Variants in NPHP4 observed in about 807,000 individuals in gnomAD.
NPHP4 encodes the protein nephrocystin 4.
A neutral mutation model predicts 155.8 loss-of-function variants in NPHP4; 151 were observed. The observed-to-expected ratio is 0.97, with a 90% CI of 0.85 to 1.11. NPHP4 has a LOEUF of 1.11. Among genes scored for constraint, NPHP4 ranks in the 50% least tolerant of loss-of-function variants. The pLI is 0.00. For synonymous variants in NPHP4, 845 were observed against 816.8 expected, an observed-to-expected ratio of 1.03 and a Z score of -0.59; for missense variants, 1,956 against 1,925.7, an observed-to-expected ratio of 1.02 and a Z score of -0.29.
At chr1:5,992,003 G>C (rs1236962981) in intron 1 of NPHP4, among the ~76,000 whole-genome samples, 1 of 125,294 alleles carries the variant, frequency 8.0e-6, no homozygotes, top group African/African-American at 3.6e-5. Context: ...ACGGCACCCA[G>C]CGGCCCCGAC....
rs1557592757 is a variant in NPHP4 at position 5,867,742 on chromosome 1, G to A, written c.3470C>T (p.Pro1157Leu). The stretch of plus-strand genomic sequence containing the variant: ...TGCAGGGTCAGTGCAGGACCTGCCT[G>A]GAAATGTGTGCCAGGGCGGCAGGCG... ...AIRLPPWHTF[P>L]GAPVGMLGED... Residue 1157 changes from proline to leucine, a missense_variant and splice_region_variant, in exon 24 of 30, where the codon CCA becomes CTA. Coordinates refer to ENST00000378156, the MANE Select transcript of NPHP4 (RefSeq NM_015102.5). This position sits in a 1 kb window ranked among gnomAD's most constrained non-coding sequence, Gnocchi z 4.1. The A allele has an allele frequency of 3.1e-6, 5 of 1,609,338 alleles. No homozygotes were observed. Among genetic ancestry groups the A allele is most frequent in the East Asian group, 4.5e-5 (2 of 44,884 alleles).
intron 10 of NPHP4, among the ~76,000 whole-genome samples, chr1:5,928,506 C>T (rs557891379): frequency 6.6e-6 from 1 of 152,288 alleles, no homozygotes; most frequent in East Asian, 1.9e-4. Flanking sequence ...ATAAACAGAC[C>T]TGCTACAAAC....
intron 22 of NPHP4, 43 bp from the exon 23 acceptor site, chr1:5,873,378 A>AT: frequency 2.0e-6 from 3 of 1,514,522 alleles, no homozygotes; most frequent in Non-Finnish European, 2.8e-6. Context: ...AAGCAACACC[A>AT]TTAGGCGACC....
Position 5,889,660 on chromosome 1 carries a change from G to C in NPHP4, c.2304+1208C>G, listed in dbSNP as rs1644013281. Among the ~76,000 whole-genome samples the C allele has an allele frequency of 6.6e-6, 1 of 152,214 alleles. No homozygotes were observed. Among genetic ancestry groups the C allele is most frequent in the African/African-American group, 2.4e-5 (1 of 41,460 alleles). ...CCATGCAGAGCCTGCTGGGGCTGAG[G>C]CCTGTGCTAGAGATGCTGTGGTGTC... On this transcript the variant is annotated intron_variant, in intron 17 of 29. Transcript: ENST00000378156. The surrounding 1 kb of genome is among the most constrained non-coding windows in gnomAD (Gnocchi z 4.2).
At position 5,868,713 on chromosome 1, in the gene NPHP4, A is replaced by C. The variant is rs554535457; in HGVS notation, c.3316-817T>G. Among the ~76,000 whole-genome samples the C allele has an allele frequency of 1.7e-3, 247 of 145,904 alleles. 1 individual carries two copies. The highest frequency in any genetic ancestry group is 6.1e-3 in the African/African-American group (240 of 39,372). ...ACATATACATGCACGCATGCCCCACACACACACATGCACGCCCACATGCAT... is the reference window on the plus strand; with the variant it reads ...ACATATACATGCACGCATGCCCCACCCACACACATGCACGCCCACATGCAT... On this transcript the variant is annotated intron_variant, in intron 23 of 29. Coordinates refer to ENST00000378156, the MANE Select transcript of NPHP4 (RefSeq NM_015102.5).
intron 3 of NPHP4, among the ~76,000 whole-genome samples, chr1:5,977,324 C>T (rs1353052737): frequency 6.6e-6 from 1 of 152,094 alleles, no homozygotes; most frequent in Non-Finnish European, 1.5e-5. Context: ...CCCTGGGTCT[C>T]CCTGCTCTGC....
chr1:5,909,495 T>A (rs1468801912), intron 11 of NPHP4, among the ~76,000 whole-genome samples: 5 of 152,172 alleles, frequency 3.3e-5, no homozygotes, highest in African/African-American at 1.2e-4. Context: ...CAGCTTGGGG[T>A]GCTTGGAGCT....
chr1:5,901,445 G>C (rs974878767), intron 16 of NPHP4, among the ~76,000 whole-genome samples: 2 of 152,198 alleles, frequency 1.3e-5, no homozygotes, highest in Non-Finnish European at 2.9e-5. Context: ...GAAATCAGTC[G>C]GGTGGGGTTT....
intron 6 of NPHP4, 88 bp from the exon 7 acceptor site, chr1:5,952,924 A>AG: frequency 2.3e-6 from 3 of 1,289,710 alleles, no homozygotes; most frequent in Non-Finnish European, 3.2e-6. Flanking sequence ...CCCCAGCCTC[A>AG]GCCGGGGCCT....
At chr1:5,941,960 G>A (rs1268558882) in intron 9 of NPHP4, among the ~76,000 whole-genome samples, 1 of 152,176 alleles carries the variant, frequency 6.6e-6, no homozygotes, top group Non-Finnish European at 1.5e-5. Flanking sequence ...AACCCAAGGG[G>A]GACAATCGGA....
chr1:5,906,344 G>C (rs750117585), intron 13 of NPHP4, among the ~76,000 whole-genome samples: 2 of 152,248 alleles, frequency 1.3e-5, no homozygotes, highest in Non-Finnish European at 2.9e-5. Flanking sequence ...GCCTCTCAGA[G>C]AGGAGCTGGC....
chr1:5,891,088 T>C, intron 16 of NPHP4, 60 bp from the exon 17 acceptor site: 1 of 1,269,998 alleles, frequency 7.9e-7, no homozygotes, highest in Middle Eastern at 2.0e-4. Flanking sequence ...ATCTTTACAC[T>C]TGGAAGAGAT....
intron 2 of NPHP4, among the ~76,000 whole-genome samples, chr1:5,982,053 T>C (rs1654792121): frequency 6.6e-6 from 1 of 152,234 alleles, no homozygotes; most frequent in Non-Finnish European, 1.5e-5. Flanking sequence ...TTAACCTCTG[T>C]AGCGTACGTT....
At position 5,863,355 on chromosome 1, in the gene NPHP4, C is replaced by G; in HGVS notation, c.4191G>C (p.Gln1397His). ...YTIGLQFAPS[Q>H]RVGEEEILIY... ...TCAGGATCTCCTCCTCACCCACTCT[C>G]TGACTAGGCGCAAACTGCAAGCCGA... Residue 1397 changes from glutamine (Q) to histidine (H), a missense_variant, in exon 30 of 30, where the codon CAG (glutamine) becomes CAC (histidine). Coordinates refer to ENST00000378156, the MANE Select transcript of NPHP4 (RefSeq NM_015102.5). 1 of 1,614,032 alleles carries G rather than the reference C, an allele frequency of 6.2e-7. No homozygotes were observed.
intron 9 of NPHP4, among the ~76,000 whole-genome samples, chr1:5,942,656 C>T (rs1046444824): frequency 7.0e-6 from 1 of 142,894 alleles, no homozygotes; most frequent in Non-Finnish European, 1.5e-5. Context: ...AGAAACCAGA[C>T]ACAAGACATG....
At chr1:5,915,912 C>G (rs1336568008) in intron 11 of NPHP4, among the ~76,000 whole-genome samples, 1 of 152,192 alleles carries the variant, frequency 6.6e-6, no homozygotes, top group Non-Finnish European at 1.5e-5. Flanking sequence ...CCACCCTCAC[C>G]CAGGACAAGG....
rs534381426 is a variant in NPHP4 at position 5,990,373 on chromosome 1, T to C, written c.-39+1871A>G. ...GTGCAGAGGGGCCTTTGGGGCCAAA[T>C]CAACAATAAAAGAGAAAATCGAGAA... On this transcript the variant is annotated intron_variant, in intron 1 of 29. Transcript: ENST00000378156. Among the ~76,000 whole-genome samples the C allele has an allele frequency of 8.1e-5, 12 of 148,928 alleles. No homozygotes were observed. In the East Asian group the frequency reaches 2.2e-3, roughly 27 times the overall value.
rs979767148 is a variant in NPHP4, at chr1:5,867,495, G to A, written c.3472+245C>T. On this transcript the variant is annotated intron_variant, in intron 24 of 29. Transcript: ENST00000378156. The surrounding 1 kb of genome is among the most constrained non-coding windows in gnomAD (Gnocchi z 4.1). Reference sequence around the variant, plus strand: ...CTCCAGGCACACCTGGACCTGGGCCGCGGGAGCTGGGATTTTTTAGAAGGG... The same window carrying A: ...CTCCAGGCACACCTGGACCTGGGCCACGGGAGCTGGGATTTTTTAGAAGGG... 24 of 576,786 alleles carry A rather than the reference G, an allele frequency of 4.2e-5. No homozygotes were observed. The highest frequency in any genetic ancestry group is 2.1e-4 in the Admixed American group (7 of 32,674). 35.7% of individuals were successfully genotyped at this position (576,786 alleles called of 1,614,324 possible). A position where few individuals can be genotyped will look rare whatever the true frequency, so the allele number is the denominator to read the frequency against.
At chr1:5,979,528 T>C (rs1654302213) in intron 2 of NPHP4, among the ~76,000 whole-genome samples, 2 of 152,078 alleles carry the variant, frequency 1.3e-5, no homozygotes, top group Admixed American at 1.3e-4. Flanking sequence ...TATTTAGCTA[T>C]AGTACCTGTG....
Sources: gnomAD v4.1 joint callset for allele counts (sites outside exome capture counted in the v4.1 genomes callset) on GRCh38, gnomAD v4.1.1 for gene constraint, Gnocchi (gnomAD v3.1) non-coding constraint, MANE v1.5 for transcripts, NCBI Gene and HGNC (gene_info 2026-07-23, HGNC 2026-07-21) for gene names.